The following VPS13D variants were observed in gnomAD, a reference collection of about 807,000 sequenced individuals.
VPS13D encodes vacuolar protein sorting 13 homolog D, also known as intermembrane lipid transfer protein VPS13D.
Under a neutral mutation model 461.9 loss-of-function variants are expected in VPS13D, and 187 were observed. The ratio of observed to expected loss-of-function variants is 0.40; its 90% confidence interval spans 0.36 to 0.46. The LOEUF (loss-of-function observed/expected upper bound fraction) is 0.46, where lower values mean the gene tolerates loss of function less well. Among genes scored for constraint, VPS13D ranks in the 20% least tolerant of loss-of-function variants. The probability of loss-of-function intolerance (pLI) is 0.60; values close to 1 mark genes in which losing one functional copy is unlikely to be tolerated. For synonymous variants in VPS13D, 1,951 were observed against 1,986.3 expected (o/e 0.98, Z 0.47); for missense variants, 4,711 against 5,364.9 (o/e 0.88, Z 3.81).
chr1:12,256,538 GTC>G, intron 8 of VPS13D, 35 bp downstream of exon 8: 1 of 1,606,036 alleles, frequency 6.2e-7, no homozygotes, highest in Non-Finnish European at 8.5e-7. Flanking sequence ...TCTACTTACT[GTC>G]AAACTGGTGA....
chr1:12,311,712 AAAG>A lies in VPS13D; in HGVS notation c.6822+91_6822+93del. On this transcript the variant is annotated intron_variant, in intron 28 of 69. Coordinates refer to ENST00000620676, the MANE Select transcript of VPS13D (RefSeq NM_015378.4). ...ATCTATTCCTCAAACTCACTTGGAGAAAGAAGGTGGAGCAACAAGCAAATTAGA... is the reference window on the plus strand; with the variant it reads ...ATCTATTCCTCAAACTCACTTGGAGAAAGGTGGAGCAACAAGCAAATTAGA... 1.9e-6 allele frequency: 3 copies of A among 1,585,098 alleles called. No individual in the cohort carries two copies. The South Asian group carries it at 3.4e-5, about 18-fold the overall frequency.
At position 12,314,346 on chromosome 1, in the gene VPS13D, T is replaced by A; in HGVS notation, c.7148+19T>A. ...ATTTCAGGTAGCAGGTCCAGACCCT[T>A]CTCTGCCTTTCTTTGTGGAGACATT... On this transcript the variant is annotated intron_variant, in intron 30 of 69. Coordinates refer to ENST00000620676, the MANE Select transcript of VPS13D (RefSeq NM_015378.4). 6.3e-7 allele frequency: 1 copy of A among 1,597,194 alleles called. No homozygotes were observed. The highest frequency in any genetic ancestry group is 1.1e-5 in the South Asian group (1 of 90,426).
intron 65 of VPS13D, among the ~76,000 whole-genome samples, chr1:12,450,379 A>G (rs1437588652): frequency 1.3e-5 from 2 of 152,184 alleles, no homozygotes; most frequent in African/African-American, 2.4e-5. Context: ...ATTGCAGACA[A>G]TGCTGATTAG....
intron 59 of VPS13D, 142 bp downstream of exon 59, chr1:12,385,515 C>A: frequency 1.5e-6 from 1 of 667,902 alleles, no homozygotes. Flanking sequence ...TACTGTTTAT[C>A]AGTGAATGTG....
chr1:12,464,007 A>G (rs756527161), intron 67 of VPS13D, among the ~76,000 whole-genome samples: 5 of 152,232 alleles, frequency 3.3e-5, no homozygotes, highest in South Asian at 2.1e-4. Context: ...TTAAAGTCCT[A>G]TTAAAGGAGC....
Position 12,508,991 on chromosome 1 carries a change from C to T in VPS13D, c.13134C>T (p.Ser4378=), listed in dbSNP as rs750896709. The part of the protein sequence containing the change: ...YYEQQLMLRL[S]ENREQLELDS ...AACAGCAGCTTATGTTAAGACTCAG[C>T]GAAAACCGAGAGCAGCTGGAGCTGG... is the stretch of plus-strand genomic sequence containing the variant. The change falls in exon 70 of 70, where the codon AGC becomes AGT. Residue 4378 remains serine, a synonymous_variant. Transcript: ENST00000620676. The T allele has an allele frequency of 1.9e-5, 31 of 1,613,992 alleles. No homozygotes were observed. The highest frequency in any genetic ancestry group is 7.7e-5 in the South Asian group (7 of 91,052).
intron 22 of VPS13D, among the ~76,000 whole-genome samples, chr1:12,289,390 G>C (rs1642061446): frequency 6.6e-6 from 1 of 152,088 alleles, no homozygotes; most frequent in South Asian, 2.1e-4. Context: ...GCCTTTAGTA[G>C]AGATTTATGA....
Position 12,256,314 on chromosome 1 carries a change from G to C in VPS13D, c.670-19G>C. ...AGGAAAGCCATTCGGAGCAGAGCAG[G>C]TGTTCTTGTGACACACAGGAGGCCA... is the stretch of plus-strand genomic sequence containing the variant. On this transcript the variant is annotated intron_variant, in intron 7 of 69. Transcript: ENST00000620676. The C allele has an allele frequency of 1.2e-6, 2 of 1,611,752 alleles. No individual in the cohort carries two copies. Among genetic ancestry groups the C allele is most frequent in the Non-Finnish European group, 1.7e-6 (2 of 1,179,326 alleles).
intron 19 of VPS13D, among the ~76,000 whole-genome samples, chr1:12,278,780 A>G (rs1211711333): frequency 6.6e-6 from 1 of 152,206 alleles, no homozygotes; most frequent in East Asian, 1.9e-4. Flanking sequence ...TGTGGATATT[A>G]TCTTCTTTAA....
At chr1:12,246,966 A>G (rs970849876) in intron 5 of VPS13D, among the ~76,000 whole-genome samples, 3 of 152,178 alleles carry the variant, frequency 2.0e-5, no homozygotes, top group African/African-American at 7.2e-5. Flanking sequence ...TTGGGTGAAC[A>G]TGTTTTCAGT....
Position 12,369,537 on chromosome 1 carries a change from C to T in VPS13D, c.10643C>T (p.Ser3548Leu). 1.2e-6 allele frequency: 2 copies of T among 1,614,210 alleles called. No homozygotes were observed. Among genetic ancestry groups the T allele is most frequent in the Non-Finnish European group, 1.7e-6 (2 of 1,180,040 alleles). Residue 3548 changes from serine to leucine, a missense_variant, in exon 54 of 70, where the codon TCA becomes TTA. Around this residue, in one of 3 missense-constraint regions of VPS13D, gnomAD observed 4,411 missense variants for 4,937.8 expected, o/e 0.89. Coordinates refer to ENST00000620676, the MANE Select transcript of VPS13D (RefSeq NM_015378.4). ...RLRTEVKPMTSLDYAWDEPTL... is the reference protein window; with the variant it reads ...RLRTEVKPMTLLDYAWDEPTL... ...CGGACTGAAGTGAAGCCCATGACTT[C>T]ATTGGATTATGCCTGGGACGAACCC...
intron 20 of VPS13D, among the ~76,000 whole-genome samples, chr1:12,281,324 G>T (rs1569790486): frequency 6.6e-6 from 1 of 152,198 alleles, no homozygotes; most frequent in East Asian, 1.9e-4. Flanking sequence ...TGGAAGCATT[G>T]CATTTGGGTG....
chr1:12,403,857 A>G lies in VPS13D; in HGVS notation c.11914A>G (p.Lys3972Glu). The G allele has an allele frequency of 6.2e-7, 1 of 1,604,678 alleles. No homozygotes were observed. Among genetic ancestry groups the G allele is most frequent in the South Asian group, 1.1e-5 (1 of 88,102 alleles). ...AAAATATGATGAAAACCTCCATGAA[A>G]AGACAGCTGAGCAAGGTGGAACACC... The part of the protein sequence containing the change: ...VEKYDENLHE[K>E]TAEQGGTPIR... Residue 3972 changes from lysine (K) to glutamate (E), a missense_variant, in exon 63 of 70, where the codon AAG (lysine) becomes GAG (glutamate). Coordinates refer to ENST00000620676, the MANE Select transcript of VPS13D (RefSeq NM_015378.4).
chr1:12,456,650 A>G (rs571114546), intron 66 of VPS13D, among the ~76,000 whole-genome samples: 72 of 151,008 alleles, frequency 4.8e-4, no homozygotes, highest in African/African-American at 1.3e-3. Flanking sequence ...AAAAAAAAAA[A>G]AAAAAAAAAA....
intron 26 of VPS13D, 105 bp downstream of exon 26, chr1:12,304,833 G>T (rs955316608): frequency 2.7e-6 from 3 of 1,105,126 alleles, no homozygotes; most frequent in Non-Finnish European, 3.9e-6. Flanking sequence ...TGTTAACGAA[G>T]AGATAGCATT....
chr1:12,499,898 A>G (rs1646013286), intron 68 of VPS13D: 4 of 985,312 alleles, frequency 4.1e-6, no homozygotes, highest in South Asian at 4.7e-5. Flanking sequence ...GCGCCAAATT[A>G]TACCTCTGAC....
intron 66 of VPS13D, among the ~76,000 whole-genome samples, chr1:12,456,795 A>G (rs754104440): frequency 6.6e-6 from 1 of 152,202 alleles, no homozygotes; most frequent in Non-Finnish European, 1.5e-5. Flanking sequence ...TGTTGTGCAC[A>G]TTGCAATTCC....
intron 57 of VPS13D, among the ~76,000 whole-genome samples, chr1:12,382,004 C>T (rs1030128263): frequency 2.3e-5 from 3 of 128,118 alleles, no homozygotes; most frequent in Admixed American, 9.6e-5. Context: ...CTCCTTCCTT[C>T]CTTTCTTCCT....
chr1:12,508,448 GTAAT>G (rs1646141494), intron 69 of VPS13D, among the ~76,000 whole-genome samples: 1 of 151,138 alleles, frequency 6.6e-6, no homozygotes, highest in African/African-American at 2.4e-5. Context: ...GCTCATGCCT[GTAAT>G]CCCAGCACTT....
Sources: gnomAD v4.1 joint callset for allele counts (sites outside exome capture counted in the v4.1 genomes callset) on GRCh38, gnomAD v4.1.1 for gene constraint, gnomAD v4.1.1 regional missense constraint, MANE v1.5 for transcripts, NCBI Gene and HGNC (gene_info 2026-07-23, HGNC 2026-07-21) for gene names.